The following LRRK2 variants were observed in gnomAD, a reference collection of about 807,000 sequenced individuals.
LRRK2 encodes the protein leucine rich repeat kinase 2.
A neutral mutation model predicts 302.6 loss-of-function variants in LRRK2; 203 were observed. That is an observed-to-expected ratio of 0.67 (90% confidence interval 0.60 to 0.75). The LOEUF (loss-of-function observed/expected upper bound fraction) is 0.75. Ranked by LOEUF, LRRK2 falls within the 30% of genes least tolerant of loss-of-function variation. LRRK2 has a pLI of 0.00. For missense variants in LRRK2, 2,830 were observed against 2,951.0 expected (o/e 0.96, Z 0.95); for synonymous variants, 1,066 against 1,031.9 (o/e 1.03, Z -0.63).
intron 6 of LRRK2, among the ~76,000 whole-genome samples, chr12:40,241,214 A>G (rs1435279972): frequency 6.6e-6 from 1 of 152,192 alleles, no homozygotes; most frequent in African/African-American, 2.4e-5. Flanking sequence ...TTTGTGTTTC[A>G]TTGACAGAGG....
chr12:40,295,789 A>T lies in LRRK2; in HGVS notation c.3096+145A>T, dbSNP rs1212501843. 7.1e-6 allele frequency: 5 copies of T among 701,344 alleles called. No individual in the cohort carries two copies. In the African/African-American group the frequency reaches 8.9e-5, roughly 12 times the overall value. The allele number at this position is 701,344 out of a possible 1,614,324, so 43.4% of individuals were successfully genotyped here. A position where few individuals can be genotyped will look rare whatever the true frequency, so the allele number is the denominator to read the frequency against. On this transcript the variant is annotated intron_variant, in intron 23 of 50. Coordinates refer to ENST00000298910, the MANE Select transcript of LRRK2 (RefSeq NM_198578.4). ...TCCCCCGTGCCTCTGGTTTTTGCAC[A>T]CATATCTTAGTCTGTGTGATGTTCA...
chr12:40,287,812 A>G (rs926771782), intron 20 of LRRK2, among the ~76,000 whole-genome samples: 1 of 151,938 alleles, frequency 6.6e-6, no homozygotes, highest in Non-Finnish European at 1.5e-5. Flanking sequence ...ACGCTCTGTC[A>G]TTGACTAGAT....
chr12:40,225,091 G>T lies in LRRK2; in HGVS notation c.-41G>T, dbSNP rs1421140603. 4 of 1,611,830 alleles carry T rather than the reference G, an allele frequency of 2.5e-6. No homozygotes were observed. Among genetic ancestry groups the T allele is most frequent in the Admixed American group, 3.3e-5 (2 of 59,944 alleles). ...CCTGCCGGTTCCCTGAGCAGCGGAC[G>T]TTCATGCTGGGAGGGCGGCGGGTTG... On this transcript the variant is annotated 5_prime_UTR_variant, in exon 1 of 51. Coordinates refer to ENST00000298910, the MANE Select transcript of LRRK2 (RefSeq NM_198578.4).
At chr12:40,363,300 AAT>A (rs1182287239) in intron 47 of LRRK2, 100 bp from the exon 48 acceptor site, 1 of 974,240 alleles carries the variant, frequency 1.0e-6, no homozygotes, top group Non-Finnish European at 1.5e-6. Context: ...TAGTTTTCAA[AAT>A]AGTGTTTTTA....
In LRRK2 at chr12:40,298,398, T is replaced by C; in HGVS notation, c.3252T>C (p.Thr1084=). ...VVLDPTVKCP[T]LKQFNLSYNQ... is the part of the protein sequence containing the mutation. ...TAGATCCTACAGTGAAATGTCCAAC[T>C]CTGAAACAGTTTAACCTGTCATATA... is the stretch of plus-strand genomic sequence containing the variant. Residue 1084 remains threonine, a synonymous_variant, in exon 24 of 51, where the codon ACT becomes ACC. Transcript: ENST00000298910. The C allele has an allele frequency of 1.2e-6, 2 of 1,613,972 alleles. No individual in the cohort carries two copies. Among genetic ancestry groups the C allele is most frequent in the Non-Finnish European group, 1.7e-6 (2 of 1,179,986 alleles).
At chr12:40,319,103 A>G (rs1462897457) in intron 33 of LRRK2, among the ~76,000 whole-genome samples, 1 of 152,120 alleles carries the variant, frequency 6.6e-6, no homozygotes, top group Non-Finnish European at 1.5e-5. Context: ...TCTCCCAAAG[A>G]AAATTAAATA....
At chr12:40,311,103 C>G (rs921031154) in intron 31 of LRRK2, among the ~76,000 whole-genome samples, 39 of 151,952 alleles carry the variant, frequency 2.6e-4, no homozygotes, top group African/African-American at 9.2e-4. Flanking sequence ...ATCTTTTGTG[C>G]CACTCATTCA....
In LRRK2 at chr12:40,359,269, G is replaced by C. The variant is rs1193039224; in HGVS notation, c.6853G>C (p.Ala2285Pro). Residue 2285 changes from alanine to proline, a missense_variant, in exon 47 of 51, where the codon GCT (alanine) becomes CCT (proline). This residue lies in a region of LRRK2 where 456 missense variants were observed against 456.3 expected (regional missense o/e 1.00). Coordinates refer to ENST00000298910, the MANE Select transcript of LRRK2 (RefSeq NM_198578.4). ...TTTTTTTTTGGCAAAGCTTAAAGGA[G>C]CTGCTCCTTTGAAGATACTAAATAT... The part of the protein sequence containing the change: ...FEDKTVKLKG[A>P]APLKILNIGN... 1 of 1,610,782 alleles carries C rather than the reference G, an allele frequency of 6.2e-7. No individual in the cohort carries two copies. Among genetic ancestry groups the C allele is most frequent in the Admixed American group, 1.7e-5 (1 of 59,770 alleles).
intron 40 of LRRK2, among the ~76,000 whole-genome samples, chr12:40,338,447 C>A (rs941112065): frequency 6.6e-6 from 1 of 152,138 alleles, no homozygotes; most frequent in Non-Finnish European, 1.5e-5. Context: ...TAATCACAAT[C>A]AAAGAATGAC....
rs1238064206 is a variant in LRRK2 at position 40,309,198 on chromosome 12, G to A, written c.4282G>A (p.Val1428Ile). The A allele has an allele frequency of 1.2e-6, 2 of 1,613,870 alleles. No homozygotes were observed. Among genetic ancestry groups the A allele is most frequent in the Admixed American group, 3.3e-5 (2 of 59,982 alleles). The change falls in exon 30 of 51, where the codon GTT becomes ATT. Residue 1428 changes from valine to isoleucine, a missense_variant. Transcript: ENST00000298910. ...VYDLSKGQAE[V>I]DAMKPWLFNI... ...TGACCTCAGCAAGGGACAGGCTGAA[G>A]TTGATGCCATGAAGCCTTGGCTCTT...
At position 40,347,956 on chromosome 12, in the gene LRRK2, TA is replaced by T. The variant is rs35847030; in HGVS notation, c.6281-442del. On this transcript the variant is annotated intron_variant, in intron 42 of 50. Coordinates refer to ENST00000298910, the MANE Select transcript of LRRK2 (RefSeq NM_198578.4). ...TAAGCAACAAAGTGAGACTCCATCT[TA>T]AAAAAAAAAATTCAGTTCTGTGTTC... Among the ~76,000 whole-genome samples the T allele has an allele frequency of 1.5e-4, 23 of 150,890 alleles. 1 individual carries two copies. In the South Asian group the frequency reaches 4.4e-3, roughly 29 times the overall value.
chr12:40,236,711 A>T (rs1941481776), intron 4 of LRRK2, among the ~76,000 whole-genome samples: 1 of 152,162 alleles, frequency 6.6e-6, no homozygotes, highest in African/African-American at 2.4e-5. Flanking sequence ...AGATGTAAAG[A>T]CCATGCTGGA....
intron 39 of LRRK2, 152 bp downstream of exon 39, chr12:40,328,612 T>A: frequency 1.6e-6 from 1 of 629,412 alleles, no homozygotes; most frequent in Non-Finnish European, 2.7e-6. Flanking sequence ...CGTTGTGGAG[T>A]AGAAAGTTTT....
chr12:40,316,493 G>A, intron 33 of LRRK2: 1 of 265,862 alleles, frequency 3.8e-6, no homozygotes, highest in Non-Finnish European at 5.8e-6. Flanking sequence ...AATGGAGACA[G>A]TAGTGTGACC....
intron 11 of LRRK2, 127 bp downstream of exon 11, chr12:40,253,143 T>C (rs1333328093): frequency 6.3e-6 from 4 of 638,050 alleles, no homozygotes; most frequent in Non-Finnish European, 1.1e-5. Flanking sequence ...GATATCTCTA[T>C]GTGTAGAGAT....
At chr12:40,246,525 A>C (rs990507559) in intron 7 of LRRK2, among the ~76,000 whole-genome samples, 1 of 151,950 alleles carries the variant, frequency 6.6e-6, no homozygotes, top group African/African-American at 2.4e-5. Flanking sequence ...TTTGTATCTG[A>C]TAACTATATA....
intron 25 of LRRK2, chr12:40,300,712 T>A: frequency 2.2e-6 from 1 of 454,710 alleles, no homozygotes; most frequent in Non-Finnish European, 4.6e-6. Flanking sequence ...TCGGTCTCTG[T>A]CCTTAAGGAA....
chr12:40,282,519 T>C (rs1483037092), intron 18 of LRRK2, among the ~76,000 whole-genome samples: 1 of 152,088 alleles, frequency 6.6e-6, no homozygotes, highest in Non-Finnish European at 1.5e-5. Flanking sequence ...TGAACACCTT[T>C]TTGCTGGGTG....
chr12:40,239,933 A>G (rs112991590), intron 5 of LRRK2, among the ~76,000 whole-genome samples: 2 of 152,188 alleles, frequency 1.3e-5, no homozygotes, highest in African/African-American at 4.8e-5. Context: ...AATGGAACTT[A>G]CTGGCTTGAT....
Sources: allele counts gnomAD v4.1 joint callset (sites outside exome capture counted in the v4.1 genomes callset), GRCh38; gene constraint gnomAD v4.1.1; regional missense constraint gnomAD v4.1.1; transcripts MANE v1.5; gene names NCBI Gene and HGNC (gene_info 2026-07-23, HGNC 2026-07-21).